The following VPS13B variants were observed in gnomAD, a reference collection of about 807,000 sequenced individuals.
The protein encoded by VPS13B is vacuolar protein sorting 13 homolog B.
VPS13B carries 285 observed loss-of-function variants against 426.4 expected under a neutral mutation model. The ratio of observed to expected loss-of-function variants is 0.67; its 90% confidence interval spans 0.61 to 0.74. The LOEUF is 0.74. VPS13B is among the 30% of genes least tolerant of loss of function. The pLI is 0.00. For synonymous variants in VPS13B, 1,676 were observed against 1,676.4 expected (o/e 1.00, Z 0.01); for missense variants, 4,537 against 4,782.6 (o/e 0.95, Z 1.51).
At chr8:99,202,783 A>G (rs1451226788) in intron 17 of VPS13B, among the ~76,000 whole-genome samples, 1 of 152,032 alleles carries the variant, frequency 6.6e-6, no homozygotes, top group Non-Finnish European at 1.5e-5. Context: ...TAATCCCAGC[A>G]CTTTGGGAGG....
intron 39 of VPS13B, among the ~76,000 whole-genome samples, chr8:99,737,146 A>G (rs1158446606): frequency 4.9e-5 from 4 of 81,828 alleles, no homozygotes; most frequent in East Asian, 3.4e-4. Flanking sequence ...TTTGAGACAG[A>G]GTCTCGCTCT....
At chr8:99,620,429 T>A (rs1382681451) in intron 33 of VPS13B, among the ~76,000 whole-genome samples, 3 of 152,128 alleles carry the variant, frequency 2.0e-5, no homozygotes, top group Non-Finnish European at 4.4e-5. Context: ...AGCACCAAAG[T>A]ATAATGAAAT....
At position 99,618,483 on chromosome 8, in the gene VPS13B, T is replaced by A. The variant is rs554887960; in HGVS notation, c.5221-23328T>A. Among the ~76,000 whole-genome samples, 13 of 152,312 alleles carry A rather than the reference T, an allele frequency of 8.5e-5. 1 individual carries two copies. The South Asian group carries it at 2.5e-3, about 29-fold the overall frequency. On this transcript the variant is annotated intron_variant, in intron 33 of 61. Transcript: ENST00000357162. ...ATACTGGAATTGAGTGACAAAGTGG[T>A]TGTCTGCATGTTTGGGACTGCTGGC...
chr8:99,791,760 G>T (rs573623592), intron 43 of VPS13B, among the ~76,000 whole-genome samples: 2 of 151,124 alleles, frequency 1.3e-5, no homozygotes, highest in South Asian at 2.1e-4. Flanking sequence ...GAAGGCTCTG[G>T]AGACTAAACA....
At chr8:99,869,944 T>C (rs995316182) in intron 59 of VPS13B, among the ~76,000 whole-genome samples, 1 of 152,274 alleles carries the variant, frequency 6.6e-6, no homozygotes, top group African/African-American at 2.4e-5. Context: ...TGGCTGCTGC[T>C]GGGTGCCCTC....
intron 31 of VPS13B, among the ~76,000 whole-genome samples, chr8:99,563,157 C>G (rs1450386516): frequency 1.3e-5 from 2 of 152,168 alleles, no homozygotes; most frequent in African/African-American, 4.8e-5. Flanking sequence ...GAGCAAAACC[C>G]TGTCTCAAAT....
chr8:99,512,299 T>C (rs1299617108), intron 29 of VPS13B, among the ~76,000 whole-genome samples: 1 of 152,202 alleles, frequency 6.6e-6, no homozygotes, highest in Non-Finnish European at 1.5e-5. Context: ...TGGTTAAGAA[T>C]AAAGAGTTAG....
At position 99,511,110 on chromosome 8, in the gene VPS13B, A is replaced by C; in HGVS notation, c.4231A>C (p.Thr1411Pro). 1 of 1,612,752 alleles carries C rather than the reference A, an allele frequency of 6.2e-7. No homozygotes were observed. The highest frequency in any genetic ancestry group is 2.2e-5 in the East Asian group (1 of 44,860). Residue 1411 changes from threonine (T) to proline (P), a missense_variant, in exon 29 of 62, where the codon ACA (threonine) becomes CCA (proline). Thr to Pro is a conservative substitution (Grantham distance 38, BLOSUM62 -1). Around this residue, in one of 2 missense-constraint regions of VPS13B, gnomAD observed 4,311 missense variants for 4,474.3 expected, o/e 0.96. Transcript: ENST00000357162. The part of the protein sequence containing the change: ...LQCKEKSVTT[T>P]KLLDGTHQQH... ...TTTCCTTTTTTTGGAACAGACAACT[A>C]CAAAACTTCTAGATGGCACTCATCA...
intron 39 of VPS13B, among the ~76,000 whole-genome samples, chr8:99,740,313 T>C (rs1002043068): frequency 6.6e-6 from 1 of 152,188 alleles, no homozygotes; most frequent in African/African-American, 2.4e-5. Context: ...CCAAAAATTA[T>C]GGGACTCTGT....
intron 16 of VPS13B, among the ~76,000 whole-genome samples, chr8:99,191,155 C>T (rs905761898): frequency 1.3e-5 from 2 of 151,728 alleles, no homozygotes; most frequent in African/African-American, 2.4e-5. Context: ...GAGGAGTCTG[C>T]TTTCATTTTG....
intron 39 of VPS13B, among the ~76,000 whole-genome samples, chr8:99,765,106 C>T (rs1035045908): frequency 1.3e-5 from 2 of 151,894 alleles, no homozygotes; most frequent in African/African-American, 2.4e-5. Context: ...ATTAGCTGGG[C>T]GTGATGGTGC....
chr8:99,667,148 T>C (rs1238393161), intron 35 of VPS13B, among the ~76,000 whole-genome samples: 5 of 152,178 alleles, frequency 3.3e-5, no homozygotes, highest in Non-Finnish European at 4.4e-5. Context: ...TTTGTTAAAA[T>C]GCAAATGGTG....
chr8:99,061,902 A>G (rs1844211280), intron 3 of VPS13B, among the ~76,000 whole-genome samples: 1 of 146,536 alleles, frequency 6.8e-6, no homozygotes, highest in Admixed American at 6.7e-5. Context: ...AATTAAAACA[A>G]GAGTGTTTGT....
intron 21 of VPS13B, among the ~76,000 whole-genome samples, chr8:99,400,220 C>T (rs34115707): frequency 0.11 from 16,341 of 152,126 alleles, 984 homozygotes; most frequent in Non-Finnish European, 0.14. Flanking sequence ...ACCTCACTCC[C>T]GTCCCACTTT....
intron 39 of VPS13B, among the ~76,000 whole-genome samples, chr8:99,756,405 C>T (rs897202442): frequency 1.3e-5 from 2 of 152,028 alleles, no homozygotes; most frequent in Non-Finnish European, 2.9e-5. Context: ...GGGGAAGTCC[C>T]AGGAGAGGAG....
In VPS13B at chr8:99,115,753, T is replaced by A. The variant is rs746835975; in HGVS notation, c.816T>A (p.Pro272=). 6.2e-7 allele frequency: 1 copy of A among 1,613,480 alleles called. No individual in the cohort carries two copies. ...LKLSITDQQL[P]MFIRIMQLGI... is the part of the protein sequence containing the mutation. ...TTTCTATCACAGATCAACAACTGCC[T>A]ATGTTTATTCGTATAATGCAACTTG... Residue 272 remains proline (P), a synonymous_variant, in exon 7 of 62, where the codon CCT becomes CCA. Coordinates refer to ENST00000357162, the MANE Select transcript of VPS13B (RefSeq NM_152564.5).
chr8:99,239,185 C>T (rs140474379), intron 17 of VPS13B, among the ~76,000 whole-genome samples: 12 of 152,110 alleles, frequency 7.9e-5, no homozygotes, highest in Non-Finnish European at 7.4e-5. Context: ...ATGACTGACC[C>T]TTATTCTCCT....
chr8:99,444,762 G>A (rs567782138), intron 23 of VPS13B, among the ~76,000 whole-genome samples: 13 of 151,944 alleles, frequency 8.6e-5, no homozygotes, highest in African/African-American at 2.4e-4. Context: ...CTTGACCGCC[G>A]GAGCTCAATT....
chr8:99,463,458 A>G (rs890084264), intron 23 of VPS13B, among the ~76,000 whole-genome samples: 2 of 152,164 alleles, frequency 1.3e-5, no homozygotes, highest in African/African-American at 4.8e-5. Flanking sequence ...TTGTACATGC[A>G]GTTCATTTCA....
Sources: allele counts gnomAD v4.1 joint callset (sites outside exome capture counted in the v4.1 genomes callset), GRCh38; gene constraint gnomAD v4.1.1; regional missense constraint gnomAD v4.1.1; transcripts MANE v1.5; gene names NCBI Gene and HGNC (gene_info 2026-07-23, HGNC 2026-07-21).